The following PADI6 variants were observed in gnomAD, a reference collection of about 807,000 sequenced individuals.
PADI6 encodes the protein peptidyl arginine deiminase 6.
Under a neutral mutation model 78.2 loss-of-function variants are expected in PADI6, and 66 were observed. The ratio of observed to expected loss-of-function variants is 0.84; its 90% CI spans 0.69 to 1.04. PADI6 has a LOEUF of 1.04. Ranked by LOEUF, PADI6 falls within the 50% of genes least tolerant of loss-of-function variation. The pLI, the probability that PADI6 is intolerant of heterozygous loss-of-function variation, is 0.00. For missense variants in PADI6, 854 were observed against 866.1 expected (o/e 0.99, Z 0.18); for synonymous variants, 397 against 346.9 (o/e 1.14, Z -1.60).
chr1:17,384,729 G>C (rs2075103913), intron 6 of PADI6, among the ~76,000 whole-genome samples: 1 of 152,202 alleles, frequency 6.6e-6, no homozygotes, highest in Admixed American at 6.5e-5. Flanking sequence ...AAGTAAGGCA[G>C]TGGCCAACCC....
intron 9 of PADI6, 77 bp downstream of exon 9, chr1:17,392,302 C>T (rs1244366618): frequency 4.5e-6 from 5 of 1,109,772 alleles, no homozygotes; most frequent in South Asian, 4.2e-5. Context: ...AGGAACTTCA[C>T]AGGCTTCTGG....
rs114477153 is a variant in PADI6 at position 17,393,824 on chromosome 1, G to C, written c.1075-151G>C. The C allele has an allele frequency of 3.1e-3, 2,087 of 672,634 alleles. 34 individuals are homozygous for C. In the African/African-American group the frequency reaches 0.033, roughly 11 times the overall value. 41.7% of individuals were successfully genotyped at this position (672,634 alleles called of 1,614,324 possible). ...AAGAGTAGGGGAGAGAGGGATCGGA[G>C]AGCCTTCAAGAAGGGGTGATATCTG... On this transcript the variant is annotated intron_variant, in intron 9 of 15. Coordinates refer to ENST00000619609, the MANE Select transcript of PADI6 (RefSeq NM_207421.4).
At chr1:17,382,334 A>C (rs74058761) in intron 6 of PADI6, among the ~76,000 whole-genome samples, 9,451 of 152,252 alleles carry the variant, frequency 0.062, 474 homozygotes, top group African/African-American at 0.13. Context: ...CACTTGTAAA[A>C]TGGGGGTAGC....
At chr1:17,383,508 T>C (rs2075092078) in intron 6 of PADI6, among the ~76,000 whole-genome samples, 1 of 152,192 alleles carries the variant, frequency 6.6e-6, no homozygotes, top group South Asian at 2.1e-4. Context: ...AAGGATGCCA[T>C]ACTTCATCAT....
intron 14 of PADI6, among the ~76,000 whole-genome samples, chr1:17,398,302 G>A (rs968529129): frequency 6.6e-6 from 1 of 152,198 alleles, no homozygotes; most frequent in Non-Finnish European, 1.5e-5. Flanking sequence ...GCTTAGGTGT[G>A]TTGGGTATGT....
chr1:17,387,070 A>T (rs1428159839), intron 6 of PADI6, among the ~76,000 whole-genome samples: 1 of 151,970 alleles, frequency 6.6e-6, no homozygotes, highest in Non-Finnish European at 1.5e-5. Flanking sequence ...CACATCGGGC[A>T]CAGATAGAGG....
chr1:17,377,757 C>T (rs1198539915), intron 3 of PADI6, among the ~76,000 whole-genome samples: 3 of 152,208 alleles, frequency 2.0e-5, no homozygotes, highest in Non-Finnish European at 4.4e-5. Context: ...GAGCCCCCAT[C>T]CTCTCACCTG....
At chr1:17,375,555 A>T in intron 3 of PADI6, 56 bp downstream of exon 3, 2 of 1,477,580 alleles carry the variant, frequency 1.4e-6, no homozygotes, top group Non-Finnish European at 1.9e-6. Flanking sequence ...GGGTTGGGGA[A>T]GGGGTGGGAT....
intron 12 of PADI6, 129 bp from the exon 13 acceptor site, chr1:17,395,411 C>G (rs2075236570): frequency 8.3e-7 from 1 of 1,204,782 alleles, no homozygotes; most frequent in Non-Finnish European, 1.1e-6. Flanking sequence ...ACCATGTTGG[C>G]CAGGCTGGTC....
chr1:17,386,367 G>GT (rs1476437002), intron 6 of PADI6, among the ~76,000 whole-genome samples: 4 of 152,216 alleles, frequency 2.6e-5, no homozygotes, highest in African/African-American at 9.6e-5. Flanking sequence ...GAGCCAGCCA[G>GT]TAGGGGATTG....
chr1:17,401,633 G>T lies in PADI6; in HGVS notation c.*195G>T. 1.7e-6 allele frequency: 1 copy of T among 596,270 alleles called. No homozygotes were observed. Among genetic ancestry groups the T allele is most frequent in the Non-Finnish European group, 3.0e-6 (1 of 338,240 alleles). The allele number at this position is 596,270 out of a possible 1,614,324, so 36.9% of individuals were successfully genotyped here. A position where few individuals can be genotyped will look rare whatever the true frequency, so the allele number is the denominator to read the frequency against. On this transcript the variant is annotated 3_prime_UTR_variant, in exon 16 of 16. Coordinates refer to ENST00000619609, the MANE Select transcript of PADI6 (RefSeq NM_207421.4). The stretch of plus-strand genomic sequence containing the variant: ...CCAGCTTGAACCCCTATGGGGAAAA[G>T]ATGCAAAAGTGTTCAGCCAAGTGAC...
chr1:17,388,882 T>A lies in PADI6; in HGVS notation c.962+2T>A. 1 of 1,610,938 alleles carries A rather than the reference T, an allele frequency of 6.2e-7. No homozygotes were observed. Among genetic ancestry groups the A allele is most frequent in the Non-Finnish European group, 8.5e-7 (1 of 1,177,856 alleles). ...GCCTCTGGAGGTTTACCTGTGCAGG[T>A]GAGAGACCATCAGGCTGACTGTGCC... On this transcript the variant is annotated splice_donor_variant, in intron 8 of 15. Transcript: ENST00000619609. LOFTEE classifies it high-confidence loss of function.
intron 2 of PADI6, among the ~76,000 whole-genome samples, chr1:17,374,057 C>A (rs1255949742): frequency 2.0e-5 from 3 of 152,058 alleles, no homozygotes; most frequent in Non-Finnish European, 4.4e-5. Context: ...CCAGGCCACA[C>A]CCCCTCTACC....
At chr1:17,394,524 T>C (rs1221412835) in intron 11 of PADI6, 70 bp downstream of exon 11, 5 of 1,517,332 alleles carry the variant, frequency 3.3e-6, no homozygotes, top group South Asian at 2.5e-5. Flanking sequence ...CCCCGCCTGC[T>C]TCCCATAGCA....
chr1:17,394,496 C>A lies in PADI6; in HGVS notation c.1337+42C>A, dbSNP rs1187594731. Reference sequence around the variant, plus strand: ...GACGCCTCCAAATGAAAGGAAGGGACCATGGTCGTTCCCCTGGCCCCGCCT... The same window carrying A: ...GACGCCTCCAAATGAAAGGAAGGGAACATGGTCGTTCCCCTGGCCCCGCCT... On this transcript the variant is annotated intron_variant, in intron 11 of 15. Coordinates refer to ENST00000619609, the MANE Select transcript of PADI6 (RefSeq NM_207421.4). 4.4e-6 allele frequency: 7 copies of A among 1,591,096 alleles called. No individual in the cohort carries two copies. In the East Asian group the frequency reaches 1.1e-4, roughly 26 times the overall value.
chr1:17,374,501 C>T (rs1300612895), intron 2 of PADI6, among the ~76,000 whole-genome samples: 1 of 152,156 alleles, frequency 6.6e-6, no homozygotes, highest in Non-Finnish European at 1.5e-5. Context: ...TGGCAGGTGC[C>T]TGTAATCTCA....
chr1:17,379,111 A>ATTTTTTTTTTTTTTTTTT lies in PADI6; in HGVS notation c.368-805_368-788dup, dbSNP rs144547124. Among the ~76,000 whole-genome samples, 6 of 100,810 alleles carry ATTTTTTTTTTTTTTTTTT rather than the reference A, an allele frequency of 6.0e-5. 1 individual carries two copies. The highest frequency in any genetic ancestry group is 2.9e-4 in the African/African-American group (5 of 17,328). The allele number at this position is 100,810 out of a possible 152,430, so 66.1% of individuals were successfully genotyped here. A position where few individuals can be genotyped will look rare whatever the true frequency, so the allele number is the denominator to read the frequency against. ...AGGTACCCTCCACCATGCCCAGTTA[A>ATTTTTTTTTTTTTTTTTT]TTTTTTTTTTTTTTTTTTTTTAAGA... On this transcript the variant is annotated intron_variant, in intron 3 of 15. Coordinates refer to ENST00000619609, the MANE Select transcript of PADI6 (RefSeq NM_207421.4).
At chr1:17,394,584 A>C in intron 11 of PADI6, 130 bp downstream of exon 11, 1 of 1,042,144 alleles carries the variant, frequency 9.6e-7, no homozygotes, top group Admixed American at 2.9e-5. Flanking sequence ...AAGACATTTG[A>C]GCTTTTGATT....
chr1:17,381,908 C>T, intron 5 of PADI6, 59 bp from the exon 6 acceptor site: 1 of 1,604,752 alleles, frequency 6.2e-7, no homozygotes, highest in Non-Finnish European at 8.5e-7. Flanking sequence ...GCTCTTCCCT[C>T]CACCCCCAGA....
Sources: gnomAD v4.1 joint callset for allele counts (sites outside exome capture counted in the v4.1 genomes callset) on GRCh38, gnomAD v4.1.1 for gene constraint, MANE v1.5 for transcripts, NCBI Gene and HGNC (gene_info 2026-07-23, HGNC 2026-07-21) for gene names.